NSL1: variants seen among roughly 807,000 people sequenced by gnomAD.
The protein encoded by NSL1 is NSL1 component of MIS12 kinetochore complex.
NSL1 carries 11 observed loss-of-function variants against 25.4 expected under a neutral mutation model. That is an observed-to-expected ratio of 0.43 (90% CI 0.27 to 0.72). The LOEUF (loss-of-function observed/expected upper bound fraction) is 0.72. Among genes scored for constraint, NSL1 ranks in the 30% least tolerant of loss-of-function variants. The pLI is 0.19. For synonymous variants in NSL1, 118 were observed against 120.6 expected (o/e 0.98, Z 0.14); for missense variants, 330 against 342.7 (o/e 0.96, Z 0.29).
chr1:212,734,204 G>A lies in NSL1; in HGVS notation c.*4204C>T, dbSNP rs1399437790. Among the ~76,000 whole-genome samples, 4 of 152,040 alleles carry A rather than the reference G, an allele frequency of 2.6e-5. No homozygotes were observed. The highest frequency in any genetic ancestry group is 5.9e-5 in the Non-Finnish European group (4 of 68,000). Reference sequence around the variant, plus strand: ...CTTTGTATGTATCTGTTTTCTTTGAGGTCCTTTATTCTCTTTGGTTTTTGT... The same window carrying A: ...CTTTGTATGTATCTGTTTTCTTTGAAGTCCTTTATTCTCTTTGGTTTTTGT... On this transcript the variant is annotated 3_prime_UTR_variant, in exon 6 of 6. Transcript: ENST00000366977.
rs899816583 is a variant in NSL1 at position 212,737,749 on chromosome 1, A to C, written c.*659T>G. The C allele has an allele frequency of 1.0e-6, 1 of 984,908 alleles. No individual in the cohort carries two copies. Among genetic ancestry groups the C allele is most frequent in the Non-Finnish European group, 1.2e-6 (1 of 829,440 alleles). 61.0% of individuals were successfully genotyped at this position (984,908 alleles called of 1,614,324 possible). On this transcript the variant is annotated 3_prime_UTR_variant, in exon 6 of 6. Transcript: ENST00000366977. The stretch of plus-strand genomic sequence containing the variant: ...TCTATAGAAAAAAGTGAGTGTGGGC[A>C]GGAAACATTGGCTACATGCCAATTT...
intron 4 of NSL1, among the ~76,000 whole-genome samples, chr1:212,758,125 A>G (rs568989520): frequency 9.2e-5 from 14 of 152,414 alleles, no homozygotes; most frequent in African/African-American, 3.1e-4. Flanking sequence ...ACAAGCAAGA[A>G]AAAGCAATAA....
At chr1:212,778,462 T>C (rs897907608) in intron 4 of NSL1, among the ~76,000 whole-genome samples, 5 of 152,250 alleles carry the variant, frequency 3.3e-5, no homozygotes, top group African/African-American at 1.2e-4. Flanking sequence ...GAAGCTGGAC[T>C]GTACTGCTGC....
In NSL1 at chr1:212,760,132, T is replaced by G. The variant is rs910839798; in HGVS notation, c.500-20531A>C. 2.0e-5 allele frequency among the ~76,000 whole-genome samples: 3 copies of G among 151,328 alleles called. No homozygotes were observed. In the East Asian group the frequency reaches 5.9e-4, roughly 30 times the overall value. On this transcript the variant is annotated intron_variant, in intron 4 of 5. Coordinates refer to ENST00000366977, the MANE Select transcript of NSL1 (RefSeq NM_015471.4). This position sits in a 1 kb window ranked among gnomAD's most constrained non-coding sequence, Gnocchi z 4.3. ...CTGGGGATTGACCTGCCCCGCCAGC[T>G]GCTTCTGGGGCACACACACACACAC...
Position 212,727,558 on chromosome 1 carries a change from ACATACTTCTCT to A in NSL1, c.*10839_*10849del. The stretch of plus-strand genomic sequence containing the variant: ...AAGGACAATGAATTAGACGTGTGCC[ACATACTTCTCT>A]CAAAAACTTTATGACTCAGTTGTCT... On this transcript the variant is annotated 3_prime_UTR_variant, in exon 6 of 6. Transcript: ENST00000366977. 8 of 985,446 alleles carry A rather than the reference ACATACTTCTCT, an allele frequency of 8.1e-6. No homozygotes were observed. Among genetic ancestry groups the A allele is most frequent in the Non-Finnish European group, 9.6e-6 (8 of 829,928 alleles). The allele number at this position is 985,446 out of a possible 1,614,324, so 61.0% of individuals were successfully genotyped here.
At position 212,745,433 on chromosome 1, in the gene NSL1, T is replaced by C. The variant is rs527608221; in HGVS notation, c.500-5832A>G. ...TCAAGATACATACTAATCAAACTGC[T>C]GAAAGCTAAAGACAGAATCCTGAAA... On this transcript the variant is annotated intron_variant, in intron 4 of 5. Transcript: ENST00000366977. 3.3e-5 allele frequency among the ~76,000 whole-genome samples: 5 copies of C among 151,998 alleles called. No homozygotes were observed. The East Asian group carries it at 9.7e-4, about 29-fold the overall frequency.
intron 1 of NSL1, among the ~76,000 whole-genome samples, chr1:212,790,243 G>A (rs1034366957): frequency 1.3e-5 from 2 of 152,084 alleles, no homozygotes; most frequent in African/African-American, 4.8e-5. Flanking sequence ...TAGCCAGGAT[G>A]GTCTCGATCT....
intron 4 of NSL1, among the ~76,000 whole-genome samples, chr1:212,750,980 G>A (rs1264467042): frequency 1.3e-5 from 2 of 151,954 alleles, no homozygotes; most frequent in Non-Finnish European, 2.9e-5. Context: ...TGTTCCAAAA[G>A]GGGTAGAAAG....
chr1:212,731,035 C>T lies in NSL1; in HGVS notation c.*7373G>A, dbSNP rs1657991493. On this transcript the variant is annotated 3_prime_UTR_variant, in exon 6 of 6. Coordinates refer to ENST00000366977, the MANE Select transcript of NSL1 (RefSeq NM_015471.4). ...ACGAATTACAAGGGATTCTTTACCC[C>T]TGAAGCTTCAAATGAATATAACATT... 1 of 985,364 alleles carries T rather than the reference C, an allele frequency of 1.0e-6. No individual in the cohort carries two copies. The highest frequency in any genetic ancestry group is 1.2e-6 in the Non-Finnish European group (1 of 829,920). 61.0% of individuals were successfully genotyped at this position (985,364 alleles called of 1,614,324 possible).
intron 4 of NSL1, among the ~76,000 whole-genome samples, chr1:212,753,316 C>T (rs1571880427): frequency 6.6e-6 from 1 of 152,230 alleles, no homozygotes; most frequent in South Asian, 2.1e-4. Flanking sequence ...CCCTCTATTA[C>T]TCACTTCACT....
At position 212,727,100 on chromosome 1, in the gene NSL1, C is replaced by G. The variant is rs1255548850; in HGVS notation, c.*11308G>C. On this transcript the variant is annotated 3_prime_UTR_variant, in exon 6 of 6. Transcript: ENST00000366977. ...TCATCCTCTTCATCTTGCCAGTTCA[C>G]CAGAGGCAGAAGGGATGAAGGTTCC... is the stretch of plus-strand genomic sequence containing the variant. 1 of 1,554,144 alleles carries G rather than the reference C, an allele frequency of 6.4e-7. No individual in the cohort carries two copies. The highest frequency in any genetic ancestry group is 8.7e-7 in the Non-Finnish European group (1 of 1,149,716).
Position 212,728,237 on chromosome 1 carries a change from T to G in NSL1, c.*10171A>C. On this transcript the variant is annotated 3_prime_UTR_variant, in exon 6 of 6. Transcript: ENST00000366977. ...GGTAACTACTAGCATTATATTGATA[T>G]TACCTTCAGCAAATAAGTTGATAAC... 1.0e-6 allele frequency: 1 copy of G among 954,228 alleles called. No homozygotes were observed. Among genetic ancestry groups the G allele is most frequent in the Non-Finnish European group, 1.2e-6 (1 of 801,548 alleles). 59.1% of individuals were successfully genotyped at this position (954,228 alleles called of 1,614,324 possible).
chr1:212,739,477 A>G, intron 5 of NSL1, 57 bp downstream of exon 5: 1 of 1,527,438 alleles, frequency 6.5e-7, no homozygotes, highest in Non-Finnish European at 9.0e-7. Context: ...TGTTGAATGC[A>G]AATACCTAGC....
chr1:212,726,487 G>A lies in NSL1; in HGVS notation c.*11921C>T, dbSNP rs1657792689. 1 of 152,434 alleles carries A rather than the reference G, an allele frequency of 6.6e-6. No individual in the cohort carries two copies. Among genetic ancestry groups the A allele is most frequent in the Non-Finnish European group, 1.5e-5 (1 of 68,108 alleles). The allele number at this position is 152,434 out of a possible 1,614,324, so 9.4% of individuals were successfully genotyped here. On this transcript the variant is annotated 3_prime_UTR_variant, in exon 6 of 6. Transcript: ENST00000366977. ...TGGCATATGGGTGTAGGGAGAAGAA[G>A]AGGTGCTGGAGCCATCTATCCAGGT... is the stretch of plus-strand genomic sequence containing the variant.
At chr1:212,753,415 T>C (rs1479250413) in intron 4 of NSL1, among the ~76,000 whole-genome samples, 1 of 152,246 alleles carries the variant, frequency 6.6e-6, no homozygotes, top group African/African-American at 2.4e-5. Context: ...GCTTGACAGC[T>C]CTTTTTCTTG....
chr1:212,778,918 G>A (rs1346928972), intron 4 of NSL1, among the ~76,000 whole-genome samples: 16 of 147,616 alleles, frequency 1.1e-4, no homozygotes, highest in South Asian at 4.3e-4. Flanking sequence ...AGTGAGGAGC[G>A]TCTCTGCCCA....
At chr1:212,782,564 G>GATT in intron 3 of NSL1, 138 bp from the exon 4 acceptor site, 2 of 662,888 alleles carry the variant, frequency 3.0e-6, no homozygotes, top group Non-Finnish European at 5.3e-6. Context: ...CTGTCTGTAG[G>GATT]GAAGAGGAGG....
intron 4 of NSL1, among the ~76,000 whole-genome samples, chr1:212,779,225 G>A (rs1264313805): frequency 2.0e-5 from 3 of 151,054 alleles, no homozygotes; most frequent in Non-Finnish European, 4.4e-5. Context: ...CCGTCTGGGA[G>A]GGAGGTGGGG....
At chr1:212,745,933 T>C (rs1658769583) in intron 4 of NSL1, among the ~76,000 whole-genome samples, 1 of 152,098 alleles carries the variant, frequency 6.6e-6, no homozygotes, top group Non-Finnish European at 1.5e-5. Flanking sequence ...ACCACCACAC[T>C]CTAGCCTGAA....
Sources: allele counts gnomAD v4.1 joint callset (sites outside exome capture counted in the v4.1 genomes callset), GRCh38; gene constraint gnomAD v4.1.1; non-coding constraint Gnocchi (gnomAD v3.1); transcripts MANE v1.5; gene names NCBI Gene and HGNC (gene_info 2026-07-23, HGNC 2026-07-21).